HS3ST3B1: variants seen among roughly 807,000 people sequenced by gnomAD.
HS3ST3B1 encodes heparan sulfate-glucosamine 3-sulfotransferase 3B1.
HS3ST3B1 carries 13 observed loss-of-function variants against 21.3 expected under a neutral mutation model. The observed-to-expected ratio is 0.61, with a 90% confidence interval of 0.40 to 0.97. The LOEUF (loss-of-function observed/expected upper bound fraction) is 0.97, where lower values mean the gene tolerates loss of function less well. Ranked by LOEUF, HS3ST3B1 falls within the 50% of genes least tolerant of loss-of-function variation. The probability of loss-of-function intolerance (pLI) is 0.00; values close to 1 mark genes in which losing one functional copy is unlikely to be tolerated. For synonymous variants in HS3ST3B1, 234 were observed against 254.8 expected, an observed-to-expected ratio of 0.92 and a Z score of 0.78; for missense variants, 459 against 554.8, an observed-to-expected ratio of 0.83 and a Z score of 1.73.
intron 1 of HS3ST3B1, among the ~76,000 whole-genome samples, chr17:14,323,107 C>T (rs2142336935): frequency 6.6e-6 from 1 of 152,116 alleles, no homozygotes; most frequent in South Asian, 2.1e-4. Flanking sequence ...GGGGTTTCAC[C>T]ATGTTGGCCA....
At chr17:14,330,359 T>C (rs1909971465) in intron 1 of HS3ST3B1, among the ~76,000 whole-genome samples, 1 of 152,146 alleles carries the variant, frequency 6.6e-6, no homozygotes. Flanking sequence ...AGGAACACCC[T>C]TTTAAACCAA....
chr17:14,322,098 A>T (rs914490622), intron 1 of HS3ST3B1, among the ~76,000 whole-genome samples: 3 of 151,928 alleles, frequency 2.0e-5, no homozygotes, highest in Admixed American at 6.6e-5. Flanking sequence ...GTCGGATAGG[A>T]AAAGAAGACA....
Position 14,301,677 on chromosome 17 carries a change from C to A in HS3ST3B1, c.159C>A (p.Gly53=), listed in dbSNP as rs1375842302. The A allele has an allele frequency of 6.2e-7, 1 of 1,602,008 alleles. No homozygotes were observed. Among genetic ancestry groups the A allele is most frequent in the Admixed American group, 1.7e-5 (1 of 59,474 alleles). Reference sequence around the variant, plus strand: ...ATATGTTCCTGTACTCGTGCGCCGGCTCCTGCGCCGCCGCGCCGGGGCTGC... The same window carrying A: ...ATATGTTCCTGTACTCGTGCGCCGGATCCTGCGCCGCCGCGCCGGGGCTGC... ...WLYMFLYSCA[G]SCAAAPGLLL... The change falls in exon 1 of 2, where the codon GGC becomes GGA. Residue 53 remains glycine (G), a synonymous_variant. Coordinates refer to ENST00000360954, the MANE Select transcript of HS3ST3B1 (RefSeq NM_006041.3).
intron 1 of HS3ST3B1, among the ~76,000 whole-genome samples, chr17:14,321,370 T>C (rs1012235492): frequency 1.3e-5 from 2 of 152,202 alleles, no homozygotes; most frequent in African/African-American, 2.4e-5. Context: ...TTCGAGAGGC[T>C]TGTTTAGCCT....
chr17:14,303,911 C>G lies in HS3ST3B1; in HGVS notation c.554+1839C>G, dbSNP rs1438642808. On this transcript the variant is annotated intron_variant, in intron 1 of 1. Coordinates refer to ENST00000360954, the MANE Select transcript of HS3ST3B1 (RefSeq NM_006041.3). The surrounding 1 kb of genome is among the most constrained non-coding windows in gnomAD (Gnocchi z 5.7). ...GGAACTGGCAGGAAAAGGACTGAAC[C>G]CTTAATGTCAGGCGGTTTTGAAGCA... The G allele has an allele frequency of 6.6e-6, 1 of 152,196 alleles. No individual in the cohort carries two copies. Among genetic ancestry groups the G allele is most frequent in the Non-Finnish European group, 1.5e-5 (1 of 68,092 alleles). The allele number at this position is 152,196 out of a possible 1,614,324, so 9.4% of individuals were successfully genotyped here.
chr17:14,311,266 T>C (rs529915983), intron 1 of HS3ST3B1, among the ~76,000 whole-genome samples: 2 of 145,544 alleles, frequency 1.4e-5, no homozygotes, highest in East Asian at 4.0e-4. Flanking sequence ...ACTGTAGAGA[T>C]GAGATCTCAC....
Position 14,316,450 on chromosome 17 carries a change from G to C in HS3ST3B1, c.554+14378G>C, listed in dbSNP as rs186836497. Among the ~76,000 whole-genome samples, 4 of 152,286 alleles carry C rather than the reference G, an allele frequency of 2.6e-5. No individual in the cohort carries two copies. In the East Asian group the frequency reaches 7.7e-4, roughly 29 times the overall value. ...TGCAGGTTCAGCTTTCCTCCAAGCA[G>C]CTTATGTCTGTTTTCAAAGGTAAGT... is the stretch of plus-strand genomic sequence containing the variant. On this transcript the variant is annotated intron_variant, in intron 1 of 1. Coordinates refer to ENST00000360954, the MANE Select transcript of HS3ST3B1 (RefSeq NM_006041.3).
At chr17:14,335,068 G>A (rs376459943) in intron 1 of HS3ST3B1, among the ~76,000 whole-genome samples, 9 of 152,156 alleles carry the variant, frequency 5.9e-5, no homozygotes, top group Non-Finnish European at 8.8e-5. Flanking sequence ...CAGATGTGAC[G>A]TCACAATTTC....
Position 14,345,781 on chromosome 17 carries a change from CCA to C in HS3ST3B1, c.*139_*140del, listed in dbSNP as rs1181100818. ...GCAATTAATTCACTAAGCTGCCTAG[CCA>C]CACTCTTTAGAGAGTTAGCTTCATA... is the stretch of plus-strand genomic sequence containing the variant. On this transcript the variant is annotated 3_prime_UTR_variant, in exon 2 of 2. Coordinates refer to ENST00000360954, the MANE Select transcript of HS3ST3B1 (RefSeq NM_006041.3). The C allele has an allele frequency of 3.5e-6, 4 of 1,135,040 alleles. No homozygotes were observed. In the African/African-American group the frequency reaches 6.3e-5, roughly 18 times the overall value. 70.3% of individuals were successfully genotyped at this position (1,135,040 alleles called of 1,614,324 possible).
At chr17:14,317,470 A>G (rs1237840441) in intron 1 of HS3ST3B1, among the ~76,000 whole-genome samples, 1 of 152,210 alleles carries the variant, frequency 6.6e-6, no homozygotes, top group Non-Finnish European at 1.5e-5. Context: ...TGAGAGGTGT[A>G]TAGAACAAAG....
At chr17:14,309,721 T>G (rs991309098) in intron 1 of HS3ST3B1, among the ~76,000 whole-genome samples, 1 of 152,216 alleles carries the variant, frequency 6.6e-6, no homozygotes, top group African/African-American at 2.4e-5. Context: ...TGCACCCTCC[T>G]GCACAAATTC....
At position 14,309,140 on chromosome 17, in the gene HS3ST3B1, C is replaced by A. The variant is rs577800234; in HGVS notation, c.554+7068C>A. On this transcript the variant is annotated intron_variant, in intron 1 of 1. Coordinates refer to ENST00000360954, the MANE Select transcript of HS3ST3B1 (RefSeq NM_006041.3). Reference sequence around the variant, plus strand: ...TAGGGGGGCGTTGGCTTGGACATCCCGTTCTGGAAGGGTGGCCGGGGGCGC... The same window carrying A: ...TAGGGGGGCGTTGGCTTGGACATCCAGTTCTGGAAGGGTGGCCGGGGGCGC... Among the ~76,000 whole-genome samples, 8 of 152,340 alleles carry A rather than the reference C, an allele frequency of 5.3e-5. No homozygotes were observed. In the East Asian group the frequency reaches 1.5e-3, roughly 29 times the overall value.
At chr17:14,329,338 AAAG>A (rs1331494946) in intron 1 of HS3ST3B1, 5 of 112,104 alleles carry the variant, frequency 4.5e-5, no homozygotes, top group African/African-American at 1.8e-4. Context: ...AGAAAGAAAG[AAAG>A]AAAGAAAGAA....
chr17:14,329,315 GAGAAAGAAAGAAAGAA>G (rs1555549452), intron 1 of HS3ST3B1: 21 of 94,694 alleles, frequency 2.2e-4, no homozygotes, highest in African/African-American at 2.9e-4. Flanking sequence ...GAGAGAAAGA[GAGAAAGAAAGAAAGAA>G]AGAAAGAAAG....
At chr17:14,329,377 A>AAG (rs1909926538) in intron 1 of HS3ST3B1, 1 of 132,712 alleles carries the variant, frequency 7.5e-6, no homozygotes. Flanking sequence ...AAAGGAAGGA[A>AAG]GGAAGGAAGG....
chr17:14,314,145 CA>C (rs1909424042), intron 1 of HS3ST3B1, among the ~76,000 whole-genome samples: 1 of 151,160 alleles, frequency 6.6e-6, no homozygotes, highest in Non-Finnish European at 1.5e-5. Context: ...AGGCCCGGCT[CA>C]TTTTGTATTA....
chr17:14,301,584 GCCGCCGCCC>G lies in HS3ST3B1; in HGVS notation c.75_83del (p.Pro26_Pro28del). 1 of 1,599,616 alleles carries G rather than the reference GCCGCCGCCC, an allele frequency of 6.3e-7. No homozygotes were observed. The highest frequency in any genetic ancestry group is 2.2e-5 in the East Asian group (1 of 44,556). Reference sequence around the variant, plus strand: ...TCCCCGGCCGGCTCCTACCGCAGCCGCCGCCGCCCCCGCCGCCGGTGAGGAGGAAGCTCG... The same window carrying G: ...TCCCCGGCCGGCTCCTACCGCAGCCGCCGCCGCCGGTGAGGAGGAAGCTCG... On this transcript the variant is annotated inframe_deletion, in exon 1 of 2. Transcript: ENST00000360954.
rs1056935109 is a variant in HS3ST3B1, at chr17:14,303,231, T to A, written c.554+1159T>A. ...AGCCAGCACGACATTCAGACACCCCTCCAGGCCCAATTAGCTTCACAGACG... is the reference window on the plus strand; with the variant it reads ...AGCCAGCACGACATTCAGACACCCCACCAGGCCCAATTAGCTTCACAGACG... On this transcript the variant is annotated intron_variant, in intron 1 of 1. Coordinates refer to ENST00000360954, the MANE Select transcript of HS3ST3B1 (RefSeq NM_006041.3). The surrounding 1 kb of genome is among the most constrained non-coding windows in gnomAD (Gnocchi z 5.7). Among the ~76,000 whole-genome samples, 7 of 152,068 alleles carry A rather than the reference T, an allele frequency of 4.6e-5. No homozygotes were observed. Among genetic ancestry groups the A allele is most frequent in the African/African-American group, 1.4e-4 (6 of 41,396 alleles).
intron 1 of HS3ST3B1, among the ~76,000 whole-genome samples, chr17:14,321,355 G>T (rs1909652589): frequency 6.6e-6 from 1 of 152,170 alleles, no homozygotes; most frequent in Non-Finnish European, 1.5e-5. Context: ...CTGTTTGTCT[G>T]CTGGTTCGAG....
Sources: gnomAD v4.1 joint callset for allele counts (sites outside exome capture counted in the v4.1 genomes callset) on GRCh38, gnomAD v4.1.1 for gene constraint, Gnocchi (gnomAD v3.1) non-coding constraint, MANE v1.5 for transcripts, NCBI Gene and HGNC (gene_info 2026-07-23, HGNC 2026-07-21) for gene names.